Variants in MEGF6 observed in about 807,000 individuals in gnomAD.
MEGF6 encodes the protein multiple EGF like domains 6.
A neutral mutation model predicts 207.1 loss-of-function variants in MEGF6; 184 were observed. The observed-to-expected ratio is 0.89, with a 90% CI of 0.79 to 1.00. The LOEUF (loss-of-function observed/expected upper bound fraction) is 1.00, where lower values mean the gene tolerates loss of function less well. Ranked by LOEUF, MEGF6 falls within the 50% of genes least tolerant of loss-of-function variation. The pLI, the probability that MEGF6 is intolerant of heterozygous loss-of-function variation, is 0.00. For missense variants in MEGF6, 2,282 were observed against 2,202.9 expected (o/e 1.04, Z -0.72); for synonymous variants, 1,038 against 910.0 (o/e 1.14, Z -2.53).
Position 3,524,121 on chromosome 1 carries a change from C to T in MEGF6, c.604+3G>A, listed in dbSNP as rs749825020. 1 of 1,611,194 alleles carries T rather than the reference C, an allele frequency of 6.2e-7. No individual in the cohort carries two copies. Among genetic ancestry groups the T allele is most frequent in the Admixed American group, 1.7e-5 (1 of 59,914 alleles). ...CCAGGCAGGGTCTCCAGGCGACACT[C>T]ACCCAGGCAGGTCCTGCTGTCAGTG... On this transcript the variant is annotated splice_donor_region_variant and intron_variant, in intron 5 of 36. Coordinates refer to ENST00000356575, the MANE Select transcript of MEGF6 (RefSeq NM_001409.4).
intron 3 of MEGF6, among the ~76,000 whole-genome samples, chr1:3,590,704 C>T (rs769964977): frequency 6.6e-4 from 100 of 152,248 alleles, no homozygotes; most frequent in Non-Finnish European, 1.0e-3. Context: ...GGGGCATCAT[C>T]GGCTCAGGGG....
At chr1:3,599,464 G>A (rs761661992) in intron 2 of MEGF6, among the ~76,000 whole-genome samples, 4 of 152,248 alleles carry the variant, frequency 2.6e-5, no homozygotes, top group Non-Finnish European at 5.9e-5. Context: ...ACCACAGAAA[G>A]AGAAGGCCAG....
In MEGF6 at chr1:3,492,727, G is replaced by A; in HGVS notation, c.4428C>T (p.His1476=). The A allele has an allele frequency of 3.1e-6, 5 of 1,612,558 alleles. No homozygotes were observed. Among genetic ancestry groups the A allele is most frequent in the African/African-American group, 1.3e-5 (1 of 75,036 alleles). ...AGTCAGCCCCACCCCCGCAGTCACA[G>A]TGCAGGGTGCAGCTGGGCCCAAACT... ...RGQFGPSCTL[H]CDCGGGADCD... The change falls in exon 35 of 37, where the codon CAC becomes CAT. Residue 1476 remains histidine (H), a synonymous_variant. Transcript: ENST00000356575.
intron 3 of MEGF6, among the ~76,000 whole-genome samples, chr1:3,593,550 C>A (rs1447457734): frequency 6.6e-6 from 1 of 151,652 alleles, no homozygotes; most frequent in African/African-American, 2.4e-5. Context: ...CCAGTAAACC[C>A]TGGGGACTCG....
Position 3,574,967 on chromosome 1 carries a change from A to T in MEGF6, c.481+4858T>A, listed in dbSNP as rs372785042. Among the ~76,000 whole-genome samples the T allele has an allele frequency of 4.5e-3, 683 of 152,302 alleles. 9 individuals carry two copies. Among genetic ancestry groups the T allele is most frequent in the African/African-American group, 0.015 (634 of 41,568 alleles). On this transcript the variant is annotated intron_variant, in intron 4 of 36. Coordinates refer to ENST00000356575, the MANE Select transcript of MEGF6 (RefSeq NM_001409.4). ...TTGAGCCAAAGGTTCTTGAACCAAGAAAGTACCTAGAGGTGACCCAGGCCT... is the reference window on the plus strand; with the variant it reads ...TTGAGCCAAAGGTTCTTGAACCAAGTAAGTACCTAGAGGTGACCCAGGCCT...
chr1:3,614,332 C>A (rs1392427429), upstream of MEGF6, among the ~76,000 whole-genome samples: 1 of 152,200 alleles, frequency 6.6e-6, no homozygotes, highest in Non-Finnish European at 1.5e-5. Flanking sequence ...TGTCTTCCTG[C>A]CCACAAGACA....
chr1:3,517,491 C>T (rs138071990), intron 5 of MEGF6, among the ~76,000 whole-genome samples: 151 of 152,372 alleles, frequency 9.9e-4, no homozygotes, highest in African/African-American at 3.5e-3. Context: ...AGCCCAGTGT[C>T]GTCGCATATA....
the MEGF6 span, chr1:3,623,582 C>G: frequency 0.21 from 32,701 of 152,174 alleles, 4,249 homozygotes; most frequent in Middle Eastern, 0.33. Flanking sequence ...CACATTGGTC[C>G]ACAGGATCCA....
chr1:3,507,689 G>A (rs1037363252), intron 14 of MEGF6, 106 bp downstream of exon 14: 37 of 1,460,756 alleles, frequency 2.5e-5, no homozygotes, highest in Non-Finnish European at 3.2e-5. Context: ...CAGTTTCCCT[G>A]CTCCAGTGGG....
At position 3,524,129 on chromosome 1, in the gene MEGF6, C is replaced by T. The variant is rs755467862; in HGVS notation, c.599G>A (p.Cys200Tyr). ...GGTCTCCAGGCGACACTCACCCAGG[C>T]AGGTCCTGCTGTCAGTGTGGAGCCG... ...GFRLHTDSRTCLAINSCALGN... is the reference protein window; with the variant it reads ...GFRLHTDSRTYLAINSCALGN... Residue 200 changes from cysteine (C) to tyrosine (Y), a missense_variant, in exon 5 of 37, where the codon TGC (cysteine) becomes TAC (tyrosine). Transcript: ENST00000356575. 70 of 1,611,762 alleles carry T rather than the reference C, an allele frequency of 4.3e-5. No individual in the cohort carries two copies. Among genetic ancestry groups the T allele is most frequent in the Admixed American group, 6.7e-5 (4 of 59,952 alleles).
chr1:3,591,883 G>T (rs1406394766), intron 3 of MEGF6, among the ~76,000 whole-genome samples: 1 of 145,954 alleles, frequency 6.9e-6, no homozygotes, highest in Admixed American at 6.8e-5. Context: ...CCAGCGAGGG[G>T]GCTGGTGGGG....
chr1:3,527,814 C>G (rs775443459), intron 4 of MEGF6, among the ~76,000 whole-genome samples: 1 of 152,192 alleles, frequency 6.6e-6, no homozygotes, highest in Non-Finnish European at 1.5e-5. Context: ...TGAAAAGTAA[C>G]GATGTAAGTG....
the MEGF6 span, among the ~76,000 whole-genome samples, chr1:3,618,417 G>A: frequency 3.9e-5 from 6 of 152,092 alleles, no homozygotes; most frequent in Non-Finnish European, 8.8e-5. This position sits in a 1 kb window ranked among gnomAD's most constrained non-coding sequence, Gnocchi z 4.7. Context: ...AGACCACCTG[G>A]GGACCCTGGG....
chr1:3,491,777 G>GA (rs1005562895), intron 35 of MEGF6, among the ~76,000 whole-genome samples: 3 of 94,258 alleles, frequency 3.2e-5, no homozygotes, highest in Admixed American at 1.0e-4. Context: ...TGCGGGGGTG[G>GA]GGGGGGGGGT....
chr1:3,534,546 G>A (rs1642270299), intron 4 of MEGF6, among the ~76,000 whole-genome samples: 1 of 152,108 alleles, frequency 6.6e-6, no homozygotes, highest in African/African-American at 2.4e-5. Flanking sequence ...TGGGAAAGGC[G>A]CTTGACTGAG....
chr1:3,514,354 G>A (rs1470165057), intron 7 of MEGF6, among the ~76,000 whole-genome samples, 196 bp downstream of exon 7: 5 of 152,056 alleles, frequency 3.3e-5, no homozygotes, highest in African/African-American at 9.7e-5. Context: ...CAGCTTTTGC[G>A]AGCCTTCCTA....
intron 3 of MEGF6, among the ~76,000 whole-genome samples, chr1:3,586,179 TGTGA>T (rs1338487620): frequency 2.7e-5 from 4 of 149,652 alleles, no homozygotes; most frequent in African/African-American, 1.0e-4. Flanking sequence ...TGTGTGTGGG[TGTGA>T]GTGTGGACAC....
intron 3 of MEGF6, among the ~76,000 whole-genome samples, chr1:3,587,835 G>A (rs1643912498): frequency 6.6e-6 from 1 of 152,190 alleles, no homozygotes; most frequent in Non-Finnish European, 1.5e-5. Context: ...CATCCCCCAG[G>A]TAGCAAGGGG....
chr1:3,607,604 A>G (rs1294957488), intron 1 of MEGF6, among the ~76,000 whole-genome samples: 1 of 152,166 alleles, frequency 6.6e-6, no homozygotes, highest in Non-Finnish European at 1.5e-5. Context: ...GGGCAGGCAG[A>G]AGAATGGACA....
Sources: gnomAD v4.1 joint callset for allele counts (sites outside exome capture counted in the v4.1 genomes callset) on GRCh38, gnomAD v4.1.1 for gene constraint, Gnocchi (gnomAD v3.1) non-coding constraint, MANE v1.5 for transcripts, NCBI Gene and HGNC (gene_info 2026-07-23, HGNC 2026-07-21) for gene names.